The following TBC1D22A variants were observed in gnomAD, a reference collection of about 807,000 sequenced individuals.
TBC1D22A encodes the protein TBC1 domain family member 22A.
TBC1D22A carries 38 observed loss-of-function variants against 60.2 expected under a neutral mutation model. The observed-to-expected ratio is 0.63, with a 90% CI of 0.49 to 0.83. The LOEUF (loss-of-function observed/expected upper bound fraction) is 0.83. TBC1D22A is among the 40% of genes least tolerant of loss of function. TBC1D22A has a pLI of 0.00. For synonymous variants in TBC1D22A, 302 were observed against 281.7 expected (o/e 1.07, Z -0.72); for missense variants, 628 against 701.0 (o/e 0.90, Z 1.18).
At chr22:46,785,310 T>C (rs2084112083) in intron 1 of TBC1D22A, among the ~76,000 whole-genome samples, 1 of 152,200 alleles carries the variant, frequency 6.6e-6, no homozygotes, top group Non-Finnish European at 1.5e-5. Context: ...TGTGTACATA[T>C]GGGAGATCCT....
At chr22:47,050,021 T>C (rs1378032191) in intron 11 of TBC1D22A, among the ~76,000 whole-genome samples, 1 of 150,522 alleles carries the variant, frequency 6.6e-6, no homozygotes, top group Non-Finnish European at 1.5e-5. Context: ...ATTTCCTTTT[T>C]TCAGAGAAGT....
intron 12 of TBC1D22A, among the ~76,000 whole-genome samples, chr22:47,125,962 GTGA>G (rs1209550982): frequency 6.6e-6 from 1 of 152,280 alleles, no homozygotes; most frequent in African/African-American, 2.4e-5. Flanking sequence ...ACAAAGGAAG[GTGA>G]TGATGTTTCC....
chr22:46,970,102 A>G (rs969957816), intron 8 of TBC1D22A, among the ~76,000 whole-genome samples: 1 of 151,926 alleles, frequency 6.6e-6, no homozygotes, highest in Non-Finnish European at 1.5e-5. Context: ...ATGCCTGTGA[A>G]TTACCCACCT....
chr22:46,874,435 C>T (rs1012234845), intron 4 of TBC1D22A, among the ~76,000 whole-genome samples: 15 of 152,018 alleles, frequency 9.9e-5, no homozygotes, highest in African/African-American at 3.1e-4. Context: ...TCCATAACCT[C>T]ACCACCATTA....
At chr22:46,903,123 G>C (rs2069128501) in intron 7 of TBC1D22A, among the ~76,000 whole-genome samples, 1 of 152,180 alleles carries the variant, frequency 6.6e-6, no homozygotes, top group African/African-American at 2.4e-5. Flanking sequence ...AGTCTCTGTG[G>C]ATCTCTTTCC....
chr22:47,117,599 G>A (rs1046625437), intron 12 of TBC1D22A, among the ~76,000 whole-genome samples: 2 of 151,988 alleles, frequency 1.3e-5, no homozygotes, highest in African/African-American at 4.8e-5. Context: ...CCACACCTTG[G>A]CCTTCTCCCA....
chr22:47,063,857 C>A (rs1163643781), intron 11 of TBC1D22A, among the ~76,000 whole-genome samples: 1 of 152,234 alleles, frequency 6.6e-6, no homozygotes, highest in African/African-American at 2.4e-5. Flanking sequence ...GCCTCTGTCG[C>A]TACGTAGCCT....
At chr22:47,107,303 A>C (rs879302464) in intron 11 of TBC1D22A, among the ~76,000 whole-genome samples, 3 of 152,226 alleles carry the variant, frequency 2.0e-5, no homozygotes, top group Non-Finnish European at 4.4e-5. Context: ...CATGTGAATT[A>C]ACCTGAATGT....
intron 8 of TBC1D22A, among the ~76,000 whole-genome samples, chr22:46,945,422 A>G (rs1378957782): frequency 6.6e-6 from 1 of 152,180 alleles, no homozygotes; most frequent in Non-Finnish European, 1.5e-5. Flanking sequence ...TTTCCTTGTT[A>G]TTATGTCTTA....
intron 10 of TBC1D22A, among the ~76,000 whole-genome samples, chr22:47,022,731 A>G (rs2062131359): frequency 6.6e-6 from 1 of 152,192 alleles, no homozygotes; most frequent in Non-Finnish European, 1.5e-5. Context: ...CTGTTCTCCA[A>G]AGCAAGAACG....
intron 11 of TBC1D22A, among the ~76,000 whole-genome samples, chr22:47,037,671 A>G (rs189538568): frequency 1.3e-5 from 2 of 152,170 alleles, no homozygotes; most frequent in Non-Finnish European, 2.9e-5. Context: ...TACTCCTGGC[A>G]TGCTTTTTAT....
intron 9 of TBC1D22A, among the ~76,000 whole-genome samples, chr22:46,994,869 G>T (rs1291737190): frequency 6.6e-6 from 1 of 152,176 alleles, no homozygotes; most frequent in Non-Finnish European, 1.5e-5. Flanking sequence ...AGTCTTAAAG[G>T]CTAACCATTG....
chr22:46,794,730 G>A (rs1017190574), intron 3 of TBC1D22A, among the ~76,000 whole-genome samples: 1 of 152,204 alleles, frequency 6.6e-6, no homozygotes, highest in African/African-American at 2.4e-5. Flanking sequence ...TGGGAACGCG[G>A]TGGCCCTGAG....
intron 1 of TBC1D22A, among the ~76,000 whole-genome samples, chr22:46,789,780 AT>A (rs987300075): frequency 2.6e-5 from 4 of 151,818 alleles, no homozygotes; most frequent in South Asian, 2.1e-4. Flanking sequence ...ACCCTTCTTT[AT>A]TTTTTTTTAA....
chr22:46,771,116 G>A (rs1230167306), intron 1 of TBC1D22A, among the ~76,000 whole-genome samples: 1 of 152,170 alleles, frequency 6.6e-6, no homozygotes, highest in African/African-American at 2.4e-5. Context: ...ATATTCGTCT[G>A]ATAGAGTAAA....
intron 1 of TBC1D22A, among the ~76,000 whole-genome samples, chr22:46,792,285 G>C (rs1012612920): frequency 6.6e-6 from 1 of 152,150 alleles, no homozygotes; most frequent in Non-Finnish European, 1.5e-5. Flanking sequence ...TCAGGGATGG[G>C]CTGAATGCCC....
rs181057890 is a variant in TBC1D22A at position 47,033,691 on chromosome 22, G to A, written c.1202-3380G>A. On this transcript the variant is annotated intron_variant, in intron 10 of 12. Coordinates refer to ENST00000337137, the MANE Select transcript of TBC1D22A (RefSeq NM_014346.5). ...TCTGGAAGCATCCAGGAGTTTTGAC[G>A]TCTGGGTAGCCTCGCACTGAGCAGA... Among the ~76,000 whole-genome samples the A allele has an allele frequency of 1.6e-4, 24 of 152,318 alleles. No homozygotes were observed. The East Asian group carries it at 3.5e-3, about 22-fold the overall frequency.
intron 11 of TBC1D22A, among the ~76,000 whole-genome samples, chr22:47,109,219 A>G (rs1389904358): frequency 6.6e-6 from 1 of 152,228 alleles, no homozygotes; most frequent in Non-Finnish European, 1.5e-5. Context: ...TCCTGATAAC[A>G]TAGCTTCCAA....
chr22:46,906,625 G>C (rs1177926422), intron 7 of TBC1D22A, among the ~76,000 whole-genome samples: 1 of 152,192 alleles, frequency 6.6e-6, no homozygotes, highest in Non-Finnish European at 1.5e-5. Flanking sequence ...AAATAGGAAG[G>C]CTTTTCAGGG....
Sources: gnomAD v4.1 joint callset for allele counts (sites outside exome capture counted in the v4.1 genomes callset) on GRCh38, gnomAD v4.1.1 for gene constraint, MANE v1.5 for transcripts, NCBI Gene and HGNC (gene_info 2026-07-23, HGNC 2026-07-21) for gene names.